ST14: variants seen among roughly 807,000 people sequenced by gnomAD.
ST14 encodes ST14 transmembrane serine protease matriptase, also known as suppressor of tumorigenicity 14 protein.
ST14 carries 40 observed loss-of-function variants against 96.5 expected under a neutral mutation model. That is an observed-to-expected ratio of 0.41 (90% CI 0.32 to 0.54). The LOEUF (loss-of-function observed/expected upper bound fraction) is 0.54, where lower values mean the gene tolerates loss of function less well. Among genes scored for constraint, ST14 ranks in the 20% least tolerant of loss-of-function variants. The pLI is 0.17. For missense variants in ST14, 1,066 were observed against 1,188.9 expected, an observed-to-expected ratio of 0.90 and a Z score of 1.52; for synonymous variants, 506 against 492.1, an observed-to-expected ratio of 1.03 and a Z score of -0.37.
chr11:130,208,510 T>C lies in ST14; in HGVS notation c.2095T>C (p.Ser699Pro), dbSNP rs372194429. The stretch of plus-strand genomic sequence containing the variant: ...GGAGCGCAGGCTCAAGCGCATCATC[T>C]CCCACCCCTTCTTCAATGACTTCAC... ...VQERRLKRIISHPFFNDFTFD... is the reference protein window; with the variant it reads ...VQERRLKRIIPHPFFNDFTFD... Residue 699 changes from serine (S) to proline (P), a missense_variant, in exon 17 of 19, where the codon TCC becomes CCC. Ser to Pro is a moderately conservative substitution (Grantham distance 74). Coordinates refer to ENST00000278742, the MANE Select transcript of ST14 (RefSeq NM_021978.4). 9 of 1,614,070 alleles carry C rather than the reference T, an allele frequency of 5.6e-6. No individual in the cohort carries two copies. The African/African-American group carries it at 6.7e-5, about 12-fold the overall frequency.
intron 16 of ST14, among the ~76,000 whole-genome samples, chr11:130,206,236 C>T (rs774136676): frequency 2.0e-5 from 3 of 152,132 alleles, no homozygotes; most frequent in African/African-American, 4.8e-5. Context: ...AGTGCGCGGG[C>T]GGTGCTGTAC....
chr11:130,176,481 C>T (rs1291423312), intron 1 of ST14, among the ~76,000 whole-genome samples: 2 of 151,376 alleles, frequency 1.3e-5, no homozygotes, highest in South Asian at 2.1e-4. Flanking sequence ...CTCCACTTCC[C>T]GGGTTCACAC....
In ST14 at chr11:130,188,132, G is replaced by C; in HGVS notation, c.100G>C (p.Glu34Gln). 2 of 1,614,168 alleles carry C rather than the reference G, an allele frequency of 1.2e-6. No individual in the cohort carries two copies. The highest frequency in any genetic ancestry group is 1.1e-5 in the South Asian group (1 of 91,078). Residue 34 changes from glutamate (E) to glutamine (Q), a missense_variant, in exon 2 of 19, where the codon GAA becomes CAA. Glu to Gln is a conservative substitution (Grantham distance 29, BLOSUM62 2). Coordinates refer to ENST00000278742, the MANE Select transcript of ST14 (RefSeq NM_021978.4). This position sits in a 1 kb window ranked among gnomAD's most constrained non-coding sequence, Gnocchi z 5.4. The stretch of plus-strand genomic sequence containing the variant: ...CCTGCAGAAAGTGAATGGCTTGGAG[G>C]AAGGCGTGGAGTTCCTGCCAGTCAA... Reference protein sequence around the residue: ...SRHEKVNGLEEGVEFLPVNNV... With the variant: ...SRHEKVNGLEQGVEFLPVNNV...
Position 130,159,941 on chromosome 11 carries a change from GGAC to G in ST14, c.-34_-32del. 8.2e-7 allele frequency: 1 copy of G among 1,226,896 alleles called. No individual in the cohort carries two copies. Among genetic ancestry groups the G allele is most frequent in the Non-Finnish European group, 1.0e-6 (1 of 967,496 alleles). 76.0% of individuals were successfully genotyped at this position (1,226,896 alleles called of 1,614,324 possible). A position where few individuals can be genotyped will look rare whatever the true frequency, so the allele number is the denominator to read the frequency against. On this transcript the variant is annotated 5_prime_UTR_variant, in exon 1 of 19. Coordinates refer to ENST00000278742, the MANE Select transcript of ST14 (RefSeq NM_021978.4). ...GGCCATGGGAGCCGGCCGCCGGCAG[GGAC>G]GACGCCTGTGAGACCCGCGAGCGGC... is the stretch of plus-strand genomic sequence containing the variant.
chr11:130,203,029 T>C (rs1474561948), intron 16 of ST14, among the ~76,000 whole-genome samples: 1 of 152,162 alleles, frequency 6.6e-6, no homozygotes, highest in Non-Finnish European at 1.5e-5. Context: ...CCTTAAACGT[T>C]AGAGGCTGAG....
In ST14 at chr11:130,206,766, C is replaced by T. The variant is rs189374543; in HGVS notation, c.1995-1644C>T. ...TGTTTTTGGTAGAGGCGGGGTTTCA[C>T]CATGCTGGCCAGGCTGGTCTTGAAC... On this transcript the variant is annotated intron_variant, in intron 16 of 18. Transcript: ENST00000278742. Among the ~76,000 whole-genome samples, 814 of 152,130 alleles carry T rather than the reference C, an allele frequency of 5.4e-3. 5 individuals are homozygous for T. The highest frequency in any genetic ancestry group is 0.02 in the Middle Eastern group (6 of 294).
rs1953251448 is a variant in ST14, at chr11:130,187,830, T to A, written c.82-284T>A. Reference sequence around the variant, plus strand: ...GCCCTTCATTGCGTTTTAATTTAAATGAACAATTCGTAAGCAATGATCGCC... The same window carrying A: ...GCCCTTCATTGCGTTTTAATTTAAAAGAACAATTCGTAAGCAATGATCGCC... On this transcript the variant is annotated intron_variant, in intron 1 of 18. Transcript: ENST00000278742. This position sits in a 1 kb window ranked among gnomAD's most constrained non-coding sequence, Gnocchi z 4.5. Among the ~76,000 whole-genome samples the A allele has an allele frequency of 1.3e-5, 2 of 152,190 alleles. No homozygotes were observed. The highest frequency in any genetic ancestry group is 4.8e-5 in the African/African-American group (2 of 41,450).
Position 130,159,893 on chromosome 11 carries a change from C to A in ST14, c.-87C>A. ...GGCCTGCCCGGAATCCCGCCGCCTG[C>A]GCCCCGCGCCCCGCGCCCTGCGGGC... On this transcript the variant is annotated 5_prime_UTR_variant, in exon 1 of 19. Coordinates refer to ENST00000278742, the MANE Select transcript of ST14 (RefSeq NM_021978.4). The A allele has an allele frequency of 1.3e-6, 1 of 793,950 alleles. No individual in the cohort carries two copies. The highest frequency in any genetic ancestry group is 1.7e-6 in the Non-Finnish European group (1 of 600,362). 49.2% of individuals were successfully genotyped at this position (793,950 alleles called of 1,614,324 possible). A position where few individuals can be genotyped will look rare whatever the true frequency, so the allele number is the denominator to read the frequency against.
At chr11:130,196,214 A>G in intron 9 of ST14, 125 bp from the exon 10 acceptor site, 2 of 755,516 alleles carry the variant, frequency 2.6e-6, no homozygotes, top group South Asian at 3.0e-5. Flanking sequence ...GAACTTTGCA[A>G]CCTGTCTTGG....
At chr11:130,195,642 C>A (rs1953352712) in intron 9 of ST14, among the ~76,000 whole-genome samples, 1 of 151,750 alleles carries the variant, frequency 6.6e-6, no homozygotes, top group Admixed American at 6.6e-5. Flanking sequence ...ATCACGAGGT[C>A]AGGAGTTCGA....
At chr11:130,176,152 T>C (rs1953135642) in intron 1 of ST14, among the ~76,000 whole-genome samples, 1 of 152,178 alleles carries the variant, frequency 6.6e-6, no homozygotes, top group Non-Finnish European at 1.5e-5. Context: ...TGTTCTCAGT[T>C]TCAGTAACTC....
At chr11:130,172,965 A>G (rs1308707728) in intron 1 of ST14, among the ~76,000 whole-genome samples, 1 of 152,146 alleles carries the variant, frequency 6.6e-6, no homozygotes, top group Non-Finnish European at 1.5e-5. Context: ...TTCAGTGAGG[A>G]CTGCCTGACA....
At chr11:130,174,401 T>G (rs574384330) in intron 1 of ST14, among the ~76,000 whole-genome samples, 2 of 151,998 alleles carry the variant, frequency 1.3e-5, no homozygotes, top group African/African-American at 2.4e-5. Context: ...AAAACCCAGA[T>G]AGCTGAAAGT....
chr11:130,168,196 T>C (rs1953058641), intron 1 of ST14, among the ~76,000 whole-genome samples: 2 of 152,178 alleles, frequency 1.3e-5, no homozygotes, highest in Admixed American at 1.3e-4. Context: ...GGACAATTAA[T>C]AGAAAAAGAG....
Position 130,210,123 on chromosome 11 carries a change from A to G in ST14, c.*300A>G, listed in dbSNP as rs1305076279. On this transcript the variant is annotated 3_prime_UTR_variant, in exon 19 of 19. Coordinates refer to ENST00000278742, the MANE Select transcript of ST14 (RefSeq NM_021978.4). ...AAGCTGGGCCGAGGCGCGTTTGTGC[A>G]TATCTGCCTCCCCTGTCTCTAAGGA... is the stretch of plus-strand genomic sequence containing the variant. The G allele has an allele frequency of 3.0e-5, 11 of 365,412 alleles. No individual in the cohort carries two copies. The highest frequency in any genetic ancestry group is 4.6e-5 in the Non-Finnish European group (9 of 196,870). 22.6% of individuals were successfully genotyped at this position (365,412 alleles called of 1,614,324 possible). A position where few individuals can be genotyped will look rare whatever the true frequency, so the allele number is the denominator to read the frequency against.
At chr11:130,192,150 C>T (rs1953310167) in intron 7 of ST14, among the ~76,000 whole-genome samples, 1 of 152,188 alleles carries the variant, frequency 6.6e-6, no homozygotes, top group Non-Finnish European at 1.5e-5. Context: ...CAGAGCCTTC[C>T]GTGGCTGTCT....
In ST14 at chr11:130,188,383, C is replaced by G; in HGVS notation, c.241+110C>G. 6.3e-7 allele frequency: 1 copy of G among 1,581,244 alleles called. No homozygotes were observed. The highest frequency in any genetic ancestry group is 8.6e-7 in the Non-Finnish European group (1 of 1,160,614). On this transcript the variant is annotated intron_variant, in intron 2 of 18. Coordinates refer to ENST00000278742, the MANE Select transcript of ST14 (RefSeq NM_021978.4). The surrounding 1 kb of genome is among the most constrained non-coding windows in gnomAD (Gnocchi z 5.4). ...ACTGAGTACACGAGGATCTCTTGGC[C>G]TCTCTGGAACCCTGATGGGGAGTGA... is the stretch of plus-strand genomic sequence containing the variant.
At position 130,189,765 on chromosome 11, in the gene ST14, G is replaced by A; in HGVS notation, c.467G>A (p.Trp156Ter). The A allele has an allele frequency of 6.2e-7, 1 of 1,613,426 alleles. No homozygotes were observed. Among genetic ancestry groups the A allele is most frequent in the Non-Finnish European group, 8.5e-7 (1 of 1,179,930 alleles). The change falls in exon 5 of 19, where the codon TGG becomes TAG. Residue 156 changes from tryptophan to a stop codon, truncating the protein, a stop_gained. Coordinates refer to ENST00000278742, the MANE Select transcript of ST14 (RefSeq NM_021978.4). LOFTEE classifies it high-confidence loss of function. ...GAGGGCAGCGTCATCGCCTACTACT[G>A]GTCTGAGTTCAGCATCCCGCAGCAC... ...FSEGSVIAYYWSEFSIPQHLV... is the reference protein window; with the variant it reads ...FSEGSVIAYY
chr11:130,209,269 C>T (rs1002468256), intron 17 of ST14, among the ~76,000 whole-genome samples, 173 bp from the exon 18 acceptor site: 4 of 152,164 alleles, frequency 2.6e-5, no homozygotes, highest in Non-Finnish European at 4.4e-5. Context: ...CCTGCTTCCT[C>T]TAGGTGGCTG....
Sources: gnomAD v4.1 joint callset for allele counts (sites outside exome capture counted in the v4.1 genomes callset) on GRCh38, gnomAD v4.1.1 for gene constraint, Gnocchi (gnomAD v3.1) non-coding constraint, MANE v1.5 for transcripts, NCBI Gene and HGNC (gene_info 2026-07-23, HGNC 2026-07-21) for gene names.